Variants in TENM2 observed in about 807,000 individuals in gnomAD.
TENM2 encodes the protein teneurin transmembrane protein 2.
In TENM2, 52 loss-of-function variants were observed where a neutral mutation model predicts 245.2. The ratio of observed to expected loss-of-function variants is 0.21; its 90% CI spans 0.17 to 0.27. TENM2 has a LOEUF of 0.27. TENM2 is among the 10% of genes least tolerant of loss of function. TENM2 has a pLI of 1.00. For synonymous variants in TENM2, 1,363 were observed against 1,438.9 expected, an observed-to-expected ratio of 0.95 and a Z score of 1.19; for missense variants, 3,046 against 3,666.8, an observed-to-expected ratio of 0.83 and a Z score of 4.37.
Position 167,897,825 on chromosome 5 carries a change from G to A in TENM2, c.712+21630G>A, listed in dbSNP as rs576596000. On this transcript the variant is annotated intron_variant, in intron 3 of 28. Transcript: ENST00000518659. ...GTAGATATAGGTAGGATGGTATGGA[G>A]AGAACGAAACAGAGAACTAAGTTTA... is the stretch of plus-strand genomic sequence containing the variant. Among the ~76,000 whole-genome samples the A allele has an allele frequency of 3.7e-4, 56 of 151,318 alleles. 1 individual carries two copies. The highest frequency in any genetic ancestry group is 1.3e-3 in the African/African-American group (54 of 41,292).
chr5:167,540,574 C>T (rs559221043), intron 2 of TENM2, among the ~76,000 whole-genome samples: 62 of 152,198 alleles, frequency 4.1e-4, no homozygotes, highest in South Asian at 8.3e-4. Flanking sequence ...TGAGCAGTTG[C>T]GACAGAGACC....
the TENM2 span, among the ~76,000 whole-genome samples, chr5:167,233,009 T>C: frequency 2.1e-5 from 3 of 143,886 alleles, no homozygotes; most frequent in Non-Finnish European, 4.5e-5. Context: ...GTCAACTACT[T>C]GGACAGACAG....
chr5:167,349,293 G>A (rs1758670560), intron 1 of TENM2, among the ~76,000 whole-genome samples: 1 of 152,160 alleles, frequency 6.6e-6, no homozygotes, highest in South Asian at 2.1e-4. Context: ...TAGTCTGTAT[G>A]TCTGAATACA....
the TENM2 span, among the ~76,000 whole-genome samples, chr5:167,041,937 G>A: frequency 2.0e-4 from 30 of 152,240 alleles, no homozygotes; most frequent in Non-Finnish European, 4.0e-4. Context: ...CAAGGGAAAT[G>A]TTATTAATGG....
At chr5:167,034,165 T>C in the TENM2 span, among the ~76,000 whole-genome samples, 2 of 152,210 alleles carry the variant, frequency 1.3e-5, no homozygotes, top group Non-Finnish European at 2.9e-5. Flanking sequence ...CCCTTTGGTA[T>C]AATGCTCTAT....
chr5:167,683,598 C>T (rs1316492866), intron 2 of TENM2, among the ~76,000 whole-genome samples: 1 of 152,130 alleles, frequency 6.6e-6, no homozygotes, highest in Admixed American at 6.6e-5. Flanking sequence ...GCCATTTTCT[C>T]CATGCCCCAA....
At chr5:167,120,113 G>A in the TENM2 span, among the ~76,000 whole-genome samples, 1 of 152,134 alleles carries the variant, frequency 6.6e-6, no homozygotes, top group African/African-American at 2.4e-5. Context: ...ATGGTGAAGA[G>A]GAAGGTACAT....
chr5:167,207,545 A>G, the TENM2 span, among the ~76,000 whole-genome samples: 34 of 152,328 alleles, frequency 2.2e-4, no homozygotes, highest in East Asian at 6.6e-3. Context: ...TTCACAAATC[A>G]TCACTTTGCA....
chr5:167,407,365 G>C (rs949576866), intron 2 of TENM2, among the ~76,000 whole-genome samples: 1 of 152,150 alleles, frequency 6.6e-6, no homozygotes, highest in Non-Finnish European at 1.5e-5. Flanking sequence ...TAAAGGAGCT[G>C]AGCTGTGTTC....
chr5:167,489,343 G>T (rs1267720975), intron 2 of TENM2, among the ~76,000 whole-genome samples: 1 of 151,998 alleles, frequency 6.6e-6, no homozygotes, highest in Non-Finnish European at 1.5e-5. Context: ...CCCCCTTGCT[G>T]GTTCTAGACA....
chr5:167,160,636 C>G, the TENM2 span, among the ~76,000 whole-genome samples: 12 of 152,246 alleles, frequency 7.9e-5, no homozygotes, highest in Non-Finnish European at 1.8e-4. Context: ...ACTTCCCTGC[C>G]CACTCAATCT....
At chr5:167,048,463 A>C in the TENM2 span, among the ~76,000 whole-genome samples, 1 of 152,190 alleles carries the variant, frequency 6.6e-6, no homozygotes, top group African/African-American at 2.4e-5. Context: ...GAAATGTGTA[A>C]GAGATTTGGT....
the TENM2 span, among the ~76,000 whole-genome samples, chr5:167,194,254 C>T: frequency 6.6e-6 from 1 of 152,022 alleles, no homozygotes; most frequent in Admixed American, 6.6e-5. Flanking sequence ...CATTAAAAAA[C>T]ATATCAGACT....
At chr5:168,166,652 C>T (rs1040940954) in intron 13 of TENM2, among the ~76,000 whole-genome samples, 3 of 152,156 alleles carry the variant, frequency 2.0e-5, no homozygotes, top group South Asian at 4.1e-4. Context: ...GCAGTGCTGA[C>T]GCAGGGGACG....
In TENM2 at chr5:167,927,034, C is replaced by T. The variant is rs571977406; in HGVS notation, c.713-25554C>T. On this transcript the variant is annotated intron_variant, in intron 3 of 28. Transcript: ENST00000518659. ...TAATTTTTAATTTTTTGGCCAGCTT[C>T]AGGTTTTAATTTGGACTTCTTGTAG... Among the ~76,000 whole-genome samples, 34 of 152,106 alleles carry T rather than the reference C, an allele frequency of 2.2e-4. No homozygotes were observed. The South Asian group carries it at 4.2e-3, about 19-fold the overall frequency.
intron 2 of TENM2, among the ~76,000 whole-genome samples, chr5:167,690,920 A>AGTGTGT (rs1485945921): frequency 1.8e-4 from 24 of 136,538 alleles, no homozygotes; most frequent in African/African-American, 5.4e-4. Flanking sequence ...CGTATATGCG[A>AGTGTGT]GTATGTGTGT....
intron 4 of TENM2, among the ~76,000 whole-genome samples, chr5:167,957,356 C>T (rs1232832379): frequency 2.0e-5 from 3 of 151,834 alleles, no homozygotes; most frequent in Admixed American, 6.6e-5. Context: ...CTATTTGATT[C>T]TTCTCTCTTT....
chr5:168,186,995 T>C (rs1024356463), intron 13 of TENM2: 7 of 152,226 alleles, frequency 4.6e-5, no homozygotes, highest in African/African-American at 1.7e-4. Context: ...GTTTGGCGGC[T>C]GCAGCCCATA....
the TENM2 span, among the ~76,000 whole-genome samples, chr5:167,107,664 C>A: frequency 6.6e-6 from 1 of 152,134 alleles, no homozygotes; most frequent in Non-Finnish European, 1.5e-5. Flanking sequence ...CTAAGGTTTG[C>A]ATAAATTATC....
Sources: gnomAD v4.1 joint callset for allele counts (sites outside exome capture counted in the v4.1 genomes callset) on GRCh38, gnomAD v4.1.1 for gene constraint, MANE v1.5 for transcripts, NCBI Gene and HGNC (gene_info 2026-07-23, HGNC 2026-07-21) for gene names.